Variants in TMC4 observed in about 807,000 individuals in gnomAD.
TMC4 encodes the protein transmembrane channel like 4.
In TMC4, 70 loss-of-function variants were observed where a neutral mutation model predicts 82.0. The observed-to-expected ratio is 0.85, with a 90% CI of 0.70 to 1.04. The LOEUF is 1.04. Ranked by LOEUF, TMC4 falls within the 50% of genes least tolerant of loss-of-function variation. The pLI, the probability that TMC4 is intolerant of heterozygous loss-of-function variation, is 0.00. For missense variants in TMC4, 879 were observed against 899.0 expected (o/e 0.98, Z 0.28); for synonymous variants, 446 against 406.0 (o/e 1.10, Z -1.18).
In TMC4 at chr19:54,162,091, C is replaced by T. The variant is rs1334335670; in HGVS notation, c.1686+11G>A. ...CCTGCCTCAGACCCAAGGGTCCCCCCTACCCCTTACCTTCTTCAGGTAGAA... is the reference window on the plus strand; with the variant it reads ...CCTGCCTCAGACCCAAGGGTCCCCCTTACCCCTTACCTTCTTCAGGTAGAA... On this transcript the variant is annotated intron_variant, in intron 11 of 14. Transcript: ENST00000619895. The T allele has an allele frequency of 1.2e-6, 2 of 1,605,420 alleles. No individual in the cohort carries two copies. Among genetic ancestry groups the T allele is most frequent in the Admixed American group, 3.4e-5 (2 of 58,642 alleles).
intron 2 of TMC4, among the ~76,000 whole-genome samples, chr19:54,170,597 A>G (rs2075858734): frequency 7.3e-6 from 1 of 137,370 alleles, no homozygotes; most frequent in Non-Finnish European, 1.6e-5. Context: ...GGCTACACAC[A>G]TCCTCCTGTG....
intron 6 of TMC4, 34 bp downstream of exon 6, chr19:54,165,385 C>T (rs747068360): frequency 6.4e-7 from 1 of 1,569,432 alleles, no homozygotes; most frequent in Non-Finnish European, 8.7e-7. Context: ...TGTCTGGTCC[C>T]TACCCAGTTG....
Position 54,169,674 on chromosome 19 carries a change from A to G in TMC4, c.294-14T>C. ...GCATTTCTTTGCCTGGGAGGGAAACAGGCAGAAAATGAGGGGTTTCGCAGC... is the reference window on the plus strand; with the variant it reads ...GCATTTCTTTGCCTGGGAGGGAAACGGGCAGAAAATGAGGGGTTTCGCAGC... On this transcript the variant is annotated splice_polypyrimidine_tract_variant and intron_variant, in intron 2 of 14. Coordinates refer to ENST00000619895, the MANE Select transcript of TMC4 (RefSeq NM_144686.4). The G allele has an allele frequency of 6.2e-7, 1 of 1,612,478 alleles. No individual in the cohort carries two copies. Among genetic ancestry groups the G allele is most frequent in the East Asian group, 2.2e-5 (1 of 44,862 alleles).
At chr19:54,170,430 C>T (rs1266821694) in intron 2 of TMC4, among the ~76,000 whole-genome samples, 7 of 151,906 alleles carry the variant, frequency 4.6e-5, no homozygotes, top group Non-Finnish European at 7.4e-5. Flanking sequence ...GCTGTCATGC[C>T]GTGTCACTTG....
In TMC4 at chr19:54,168,175, G is replaced by A. The variant is rs1275507348; in HGVS notation, c.793C>T (p.His265Tyr). Residue 265 changes from histidine to tyrosine, a missense_variant, in exon 5 of 15, where the codon CAT becomes TAT. His to Tyr is a moderately conservative substitution (Grantham distance 83). Transcript: ENST00000619895. Reference sequence around the variant, plus strand: ...AGGGGTGCAGGTGCCACTGACCGATGCAGGATGAGCAGGAGGCAGATGAGG... The same window carrying A: ...AGGGGTGCAGGTGCCACTGACCGATACAGGATGAGCAGGAGGCAGATGAGG... ...VGLICLLLILHRSVSGLKQTL... is the reference protein window; with the variant it reads ...VGLICLLLILYRSVSGLKQTL... 1.9e-6 allele frequency: 3 copies of A among 1,603,380 alleles called. No homozygotes were observed. In the African/African-American group the frequency reaches 4.0e-5, roughly 21 times the overall value.
At chr19:54,165,995 TAAG>T (rs1386872327) in intron 5 of TMC4, among the ~76,000 whole-genome samples, 1 of 151,966 alleles carries the variant, frequency 6.6e-6, no homozygotes, top group Non-Finnish European at 1.5e-5. Context: ...CAAAGACCCA[TAAG>T]AAGTACAGGC....
intron 2 of TMC4, among the ~76,000 whole-genome samples, chr19:54,171,191 C>A (rs1019658164): frequency 2.0e-5 from 3 of 152,136 alleles, no homozygotes; most frequent in African/African-American, 7.2e-5. Context: ...TCACTGCAAC[C>A]TCTATCTCCC....
At position 54,163,808 on chromosome 19, in the gene TMC4, T is replaced by G; in HGVS notation, c.1193A>C (p.Asn398Thr). 6.2e-7 allele frequency: 1 copy of G among 1,613,808 alleles called. No homozygotes were observed. Among genetic ancestry groups the G allele is most frequent in the Non-Finnish European group, 8.5e-7 (1 of 1,179,970 alleles). ...YLPSIFIAGVNFVLPPVFKLI... is the reference protein window; with the variant it reads ...YLPSIFIAGVTFVLPPVFKLI... Reference sequence around the variant, plus strand: ...CTTGAACACGGGCGGCAGCACAAAATTGACCCCAGCGATGAAGATGGACGG... The same window carrying G: ...CTTGAACACGGGCGGCAGCACAAAAGTGACCCCAGCGATGAAGATGGACGG... The change falls in exon 8 of 15, where the codon AAT becomes ACT. Residue 398 changes from asparagine (N) to threonine (T), a missense_variant. Physicochemically the swap from Asn to Thr is moderately conservative, Grantham distance 65. Coordinates refer to ENST00000619895, the MANE Select transcript of TMC4 (RefSeq NM_144686.4).
At chr19:54,162,046 G>T in intron 11 of TMC4, 56 bp downstream of exon 11, 2 of 1,478,372 alleles carry the variant, frequency 1.4e-6, no homozygotes, top group Non-Finnish European at 1.8e-6. Flanking sequence ...CTTGACCCAG[G>T]AGTGCGGGCC....
At chr19:54,168,721 G>C (rs1238691675) in intron 3 of TMC4, 41 bp from the exon 4 acceptor site, 2 of 1,385,694 alleles carry the variant, frequency 1.4e-6, no homozygotes, top group East Asian at 2.8e-5. Flanking sequence ...TCCTTCCCGG[G>C]AGCAGGACCA....
intron 5 of TMC4, among the ~76,000 whole-genome samples, chr19:54,167,790 C>T (rs538101429): frequency 6.6e-6 from 1 of 151,640 alleles, no homozygotes; most frequent in South Asian, 2.1e-4. Flanking sequence ...GGGCCGGGCG[C>T]GGTGGCTCAC....
At position 54,168,618 on chromosome 19, in the gene TMC4, CGTTAAG is replaced by C; in HGVS notation, c.499_504del (p.Leu167_Asn168del). On this transcript the variant is annotated inframe_deletion, in exon 4 of 15. Coordinates refer to ENST00000619895, the MANE Select transcript of TMC4 (RefSeq NM_144686.4). The stretch of plus-strand genomic sequence containing the variant: ...CAGGCCATGAGCACAGAGGCCAGCA[CGTTAAG>C]AAGGAGCAGGAAGCGCAGCAGGGAG... 6.3e-7 allele frequency: 1 copy of C among 1,595,402 alleles called. No individual in the cohort carries two copies. Among genetic ancestry groups the C allele is most frequent in the Admixed American group, 1.7e-5 (1 of 57,278 alleles).
intron 5 of TMC4, among the ~76,000 whole-genome samples, chr19:54,166,323 CAAAAAAAAAAA>C (rs58329832): frequency 1.9e-5 from 2 of 108,026 alleles, no homozygotes; most frequent in Admixed American, 9.2e-5. Flanking sequence ...AGGTCGCCTC[CAAAAAAAAAAA>C]AAAAAAAAAA....
In TMC4 at chr19:54,163,741, G is replaced by A. The variant is rs758958562; in HGVS notation, c.1260C>T (p.Ile420=). The change falls in exon 8 of 15, where the codon ATC becomes ATT. Residue 420 remains isoleucine, a synonymous_variant. Transcript: ENST00000619895. ...GCTGGAACCTGAGCAGGATAAAAAC[G>A]ATCTGGCGACTCCGAGTGTAGCCCT... The part of the protein sequence containing the change: ...PLEGYTRSRQ[I]VFILLRTVFL... The A allele has an allele frequency of 6.2e-6, 10 of 1,613,850 alleles. No individual in the cohort carries two copies. Among genetic ancestry groups the A allele is most frequent in the African/African-American group, 2.7e-5 (2 of 74,846 alleles).
At chr19:54,169,786 C>A in intron 2 of TMC4, 126 bp from the exon 3 acceptor site, 2 of 1,337,098 alleles carry the variant, frequency 1.5e-6, no homozygotes, top group Non-Finnish European at 2.0e-6. Flanking sequence ...ATAGAATACT[C>A]TGTAGCAATA....
intron 2 of TMC4, among the ~76,000 whole-genome samples, chr19:54,170,364 A>G (rs1210076438): frequency 6.7e-6 from 1 of 148,276 alleles, no homozygotes; most frequent in Non-Finnish European, 1.5e-5. Flanking sequence ...TAGGGAGAAG[A>G]GGTTACCTTG....
chr19:54,171,543 T>A (rs1031217432), intron 2 of TMC4, among the ~76,000 whole-genome samples: 4 of 151,994 alleles, frequency 2.6e-5, no homozygotes, highest in African/African-American at 9.7e-5. Context: ...AAGGAAGGTA[T>A]AAAGCAGAGA....
At chr19:54,163,406 G>T in intron 8 of TMC4, 2 of 628,292 alleles carry the variant, frequency 3.2e-6, no homozygotes, top group Non-Finnish European at 5.4e-6. Context: ...CACCTCCCAG[G>T]CTCGAGCCAT....
intron 1 of TMC4, 143 bp downstream of exon 1, chr19:54,172,896 T>G (rs2075944282): frequency 1.4e-6 from 1 of 728,478 alleles, no homozygotes; most frequent in South Asian, 1.8e-5. Flanking sequence ...TCCAGTTCCC[T>G]TCTCCCCCAT....
Sources: allele counts gnomAD v4.1 joint callset (sites outside exome capture counted in the v4.1 genomes callset), GRCh38; gene constraint gnomAD v4.1.1; transcripts MANE v1.5; gene names NCBI Gene and HGNC (gene_info 2026-07-23, HGNC 2026-07-21).